The following PDE9A variants were observed in gnomAD, a reference collection of about 807,000 sequenced individuals.
The protein encoded by PDE9A is phosphodiesterase 9A.
PDE9A carries 60 observed loss-of-function variants against 87.4 expected under a neutral mutation model. The observed-to-expected ratio is 0.69, with a 90% CI of 0.56 to 0.85. The LOEUF (loss-of-function observed/expected upper bound fraction) is 0.85. Among genes scored for constraint, PDE9A ranks in the 40% least tolerant of loss-of-function variants. The pLI, the probability that PDE9A is intolerant of heterozygous loss-of-function variation, is 0.00. For missense variants in PDE9A, 665 were observed against 779.0 expected, an observed-to-expected ratio of 0.85 and a Z score of 1.74; for synonymous variants, 272 against 279.4, an observed-to-expected ratio of 0.97 and a Z score of 0.27.
At chr21:42,726,073 T>A (rs62213362) in intron 4 of PDE9A, among the ~76,000 whole-genome samples, 1 of 152,140 alleles carries the variant, frequency 6.6e-6, no homozygotes, top group East Asian at 1.9e-4. Context: ...GCCGAGTGGC[T>A]CTCAGCATCT....
chr21:42,740,449 A>C (rs1021900764), intron 7 of PDE9A, among the ~76,000 whole-genome samples: 10 of 151,870 alleles, frequency 6.6e-5, no homozygotes, highest in African/African-American at 2.2e-4. Flanking sequence ...GTCTCAAAAA[A>C]AAAAAAAGAA....
At chr21:42,710,408 C>CAA (rs35770609) in intron 4 of PDE9A, among the ~76,000 whole-genome samples, 120 of 110,738 alleles carry the variant, frequency 1.1e-3, no homozygotes, top group African/African-American at 2.9e-3. Context: ...GACTCCATCT[C>CAA]AAAAAAAAAA....
At chr21:42,669,839 A>G (rs1569114301) in intron 1 of PDE9A, among the ~76,000 whole-genome samples, 1 of 152,164 alleles carries the variant, frequency 6.6e-6, no homozygotes, top group Non-Finnish European at 1.5e-5. Flanking sequence ...GCCCACAGCC[A>G]CGGATAATGA....
At chr21:42,698,103 T>G (rs1458197284) in intron 3 of PDE9A, among the ~76,000 whole-genome samples, 1 of 152,242 alleles carries the variant, frequency 6.6e-6, no homozygotes, top group African/African-American at 2.4e-5. Context: ...TGTTTCATTC[T>G]GATACATCCC....
At chr21:42,769,740 ACACATGCACACACAGGTATG>A (rs2056853355) in intron 17 of PDE9A, among the ~76,000 whole-genome samples, 1 of 151,916 alleles carries the variant, frequency 6.6e-6, no homozygotes, top group Admixed American at 6.5e-5. Context: ...ACAGAGGCAC[ACACATGCACACACAGGTATG>A]CACATGCACG....
At chr21:42,747,262 A>G (rs2053950816) in intron 8 of PDE9A, among the ~76,000 whole-genome samples, 1 of 144,892 alleles carries the variant, frequency 6.9e-6, no homozygotes, top group African/African-American at 2.6e-5. Context: ...GACCAGTCTC[A>G]GTTAAGCTGG....
rs1478027477 is a variant in PDE9A, at chr21:42,765,497, G to A, written c.1356+3G>A. 1.3e-6 allele frequency: 2 copies of A among 1,559,592 alleles called. No homozygotes were observed. The highest frequency in any genetic ancestry group is 1.1e-5 in the South Asian group (1 of 89,680). ...GCAACGAGGAGCACATGACCCTGGT[G>A]AGTGGCTTATTCTGCCTGGGTGGGC... is the stretch of plus-strand genomic sequence containing the variant. On this transcript the variant is annotated splice_donor_region_variant and intron_variant, in intron 15 of 19. Coordinates refer to ENST00000291539, the MANE Select transcript of PDE9A (RefSeq NM_002606.3).
chr21:42,676,363 C>T (rs567276503), intron 1 of PDE9A, among the ~76,000 whole-genome samples: 1 of 152,336 alleles, frequency 6.6e-6, no homozygotes, highest in South Asian at 2.1e-4. Flanking sequence ...AACATTCCAT[C>T]GCCGCAAGGC....
chr21:42,742,332 C>T (rs2053375761), intron 7 of PDE9A, among the ~76,000 whole-genome samples: 1 of 152,070 alleles, frequency 6.6e-6, no homozygotes, highest in South Asian at 2.1e-4. Flanking sequence ...TTCCTCAAAT[C>T]AGTCTCCCCG....
intron 4 of PDE9A, among the ~76,000 whole-genome samples, chr21:42,729,222 C>T (rs1434863804): frequency 1.3e-5 from 2 of 152,046 alleles, no homozygotes; most frequent in Admixed American, 1.3e-4. Context: ...GTTGTAGTAC[C>T]TCATGCTTCT....
At chr21:42,747,591 C>T (rs2053997401) in intron 8 of PDE9A, among the ~76,000 whole-genome samples, 1 of 152,218 alleles carries the variant, frequency 6.6e-6, no homozygotes, top group East Asian at 1.9e-4. Flanking sequence ...GGTGGCCGTC[C>T]CCTGACACTC....
intron 4 of PDE9A, among the ~76,000 whole-genome samples, chr21:42,701,437 T>TC (rs1331719237): frequency 6.6e-6 from 1 of 151,950 alleles, no homozygotes; most frequent in Non-Finnish European, 1.5e-5. Flanking sequence ...TTGCTTTTTT[T>TC]TTTTTCAAAG....
intron 1 of PDE9A, among the ~76,000 whole-genome samples, chr21:42,666,027 G>A (rs1238763721): frequency 6.6e-6 from 1 of 152,202 alleles, no homozygotes; most frequent in Non-Finnish European, 1.5e-5. Context: ...CTAAAGAACA[G>A]GCTCACCTTC....
At chr21:42,653,999 G>C in intron 1 of PDE9A, 116 bp downstream of exon 1, 1 of 467,524 alleles carries the variant, frequency 2.1e-6, no homozygotes, top group Non-Finnish European at 3.8e-6. Flanking sequence ...GCCTCCGTGC[G>C]CTCCGCCAGC....
intron 3 of PDE9A, chr21:42,690,074 G>A (rs576837736): frequency 1.3e-5 from 13 of 984,954 alleles, no homozygotes; most frequent in Admixed American, 6.2e-5. Flanking sequence ...GGAGGTAGAC[G>A]CGGGTGAGGA....
In PDE9A at chr21:42,695,034, G is replaced by C. The variant is rs1175393502; in HGVS notation, c.219-3934G>C. 6.6e-6 allele frequency among the ~76,000 whole-genome samples: 1 copy of C among 151,980 alleles called. No individual in the cohort carries two copies. The highest frequency in any genetic ancestry group is 6.5e-5 in the Admixed American group (1 of 15,272). ...CCCTCCTATGGCTGGGGATCCACTG[G>C]CAGCTGCCTAACCCTTCCTATGCTC... is the stretch of plus-strand genomic sequence containing the variant. On this transcript the variant is annotated intron_variant, in intron 3 of 19. Transcript: ENST00000291539. The surrounding 1 kb of genome is among the most constrained non-coding windows in gnomAD (Gnocchi z 4.3).
At position 42,723,648 on chromosome 21, in the gene PDE9A, G is replaced by C. The variant is rs2050748641; in HGVS notation, c.263-8122G>C. Among the ~76,000 whole-genome samples the C allele has an allele frequency of 6.6e-6, 1 of 152,192 alleles. No individual in the cohort carries two copies. The highest frequency in any genetic ancestry group is 2.4e-5 in the African/African-American group (1 of 41,440). ...TTCTATTGGTTGTTCTTGGGGGACAGCTTCCTTTGGAGAACATGTGAGTTG... is the reference window on the plus strand; with the variant it reads ...TTCTATTGGTTGTTCTTGGGGGACACCTTCCTTTGGAGAACATGTGAGTTG... On this transcript the variant is annotated intron_variant, in intron 4 of 19. Transcript: ENST00000291539. The surrounding 1 kb of genome is among the most constrained non-coding windows in gnomAD (Gnocchi z 4.3).
At chr21:42,712,314 T>TTTCCAA (rs1219992335) in intron 4 of PDE9A, among the ~76,000 whole-genome samples, 1 of 152,220 alleles carries the variant, frequency 6.6e-6, no homozygotes. Context: ...TTTCATTAAT[T>TTTCCAA]TTCCAATTGT....
At chr21:42,715,364 C>T (rs1387905324) in intron 4 of PDE9A, among the ~76,000 whole-genome samples, 2 of 152,084 alleles carry the variant, frequency 1.3e-5, no homozygotes, top group Non-Finnish European at 2.9e-5. Context: ...CACTGGCTCA[C>T]GCCTGTAATC....
Sources: gnomAD v4.1 joint callset for allele counts (sites outside exome capture counted in the v4.1 genomes callset) on GRCh38, gnomAD v4.1.1 for gene constraint, Gnocchi (gnomAD v3.1) non-coding constraint, MANE v1.5 for transcripts, NCBI Gene and HGNC (gene_info 2026-07-23, HGNC 2026-07-21) for gene names.